Variants in TANC2 observed in about 807,000 individuals in gnomAD.
TANC2 encodes tetratricopeptide repeat, ankyrin repeat and coiled-coil containing 2.
TANC2 carries 26 observed loss-of-function variants against 210.5 expected under a neutral mutation model. The observed-to-expected ratio is 0.12, with a 90% CI of 0.09 to 0.17. TANC2 has a LOEUF of 0.17. Among genes scored for constraint, TANC2 ranks in the 10% least tolerant of loss-of-function variants. The pLI, the probability that TANC2 is intolerant of heterozygous loss-of-function variation, is 1.00. For synonymous variants in TANC2, 931 were observed against 967.1 expected, an observed-to-expected ratio of 0.96 and a Z score of 0.69; for missense variants, 2,129 against 2,608.9, an observed-to-expected ratio of 0.82 and a Z score of 4.01.
At chr17:63,029,604 T>C (rs1243294477) in intron 2 of TANC2, among the ~76,000 whole-genome samples, 1 of 152,180 alleles carries the variant, frequency 6.6e-6, no homozygotes, top group African/African-American at 2.4e-5. Flanking sequence ...TGTTGTCTTA[T>C]ACTGTAATGG....
intron 2 of TANC2, among the ~76,000 whole-genome samples, chr17:63,046,694 T>C (rs1041442993): frequency 1.3e-5 from 2 of 152,124 alleles, no homozygotes; most frequent in African/African-American, 4.8e-5. Context: ...TCAAGTAATA[T>C]AGTACAGATT....
intron 9 of TANC2, among the ~76,000 whole-genome samples, chr17:63,303,922 G>A (rs2146510107): frequency 6.6e-6 from 1 of 151,856 alleles, no homozygotes; most frequent in Non-Finnish European, 1.5e-5. Context: ...CTCGTGCTGT[G>A]TTTTTCAGCT....
At chr17:62,977,697 A>T (rs917564201) in intron 1 of TANC2, among the ~76,000 whole-genome samples, 2 of 151,996 alleles carry the variant, frequency 1.3e-5, no homozygotes, top group Non-Finnish European at 2.9e-5. Context: ...CTATTTTTTT[A>T]AATTACAAAA....
At chr17:63,155,010 G>A (rs2039786063) in intron 5 of TANC2, 1 of 152,228 alleles carries the variant, frequency 6.6e-6, no homozygotes, top group African/African-American at 2.4e-5. Flanking sequence ...TTATTGGAAA[G>A]TTAGAGTAGG....
At chr17:63,375,366 G>A (rs533961675) in intron 14 of TANC2, among the ~76,000 whole-genome samples, 2 of 152,348 alleles carry the variant, frequency 1.3e-5, no homozygotes, top group African/African-American at 4.8e-5. Context: ...CTAGCCAGCT[G>A]AAATGAAGAC....
At chr17:63,220,736 A>G (rs867141119) in intron 7 of TANC2, among the ~76,000 whole-genome samples, 25 of 142,332 alleles carry the variant, frequency 1.8e-4, no homozygotes, top group African/African-American at 6.0e-4. Context: ...ATATATATAT[A>G]TGTATATATA....
At chr17:63,253,691 C>A (rs983681172) in intron 8 of TANC2, among the ~76,000 whole-genome samples, 4 of 152,132 alleles carry the variant, frequency 2.6e-5, no homozygotes, top group Non-Finnish European at 5.9e-5. Flanking sequence ...TGGCTCACTG[C>A]AGCTTTGACC....
At chr17:63,047,683 T>C (rs2035434304) in intron 2 of TANC2, among the ~76,000 whole-genome samples, 1 of 152,158 alleles carries the variant, frequency 6.6e-6, no homozygotes, top group African/African-American at 2.4e-5. Context: ...GAATAGGGGC[T>C]CCCTAGTAGA....
chr17:63,365,589 C>G (rs1049630899), intron 14 of TANC2, among the ~76,000 whole-genome samples: 8 of 152,180 alleles, frequency 5.3e-5, no homozygotes, highest in African/African-American at 1.9e-4. Flanking sequence ...TTGTTCAAAG[C>G]CCTGTATTTA....
chr17:63,423,732 C>G (rs2049078887), exon 28 of TANC2: 1 of 152,190 alleles, frequency 6.6e-6, no homozygotes, highest in Non-Finnish European at 1.5e-5. Flanking sequence ...CTCTCCACCC[C>G]CAAACCTAAA....
chr17:63,206,455 A>G (rs912005561), intron 7 of TANC2, among the ~76,000 whole-genome samples: 2 of 152,228 alleles, frequency 1.3e-5, no homozygotes, highest in African/African-American at 2.4e-5. Flanking sequence ...AATACAAATG[A>G]ATATGGACAG....
At chr17:63,240,639 T>G (rs2042748863) in intron 8 of TANC2, among the ~76,000 whole-genome samples, 1 of 152,094 alleles carries the variant, frequency 6.6e-6, no homozygotes. Context: ...GAAGAGAGAA[T>G]GGAACAAGCA....
At chr17:63,091,301 A>G (rs2037184370) in intron 3 of TANC2, among the ~76,000 whole-genome samples, 1 of 152,098 alleles carries the variant, frequency 6.6e-6, no homozygotes. Flanking sequence ...TGTGTCCTGA[A>G]TGGTATTGCC....
chr17:63,319,809 A>G (rs918507511), intron 11 of TANC2, among the ~76,000 whole-genome samples: 9 of 152,248 alleles, frequency 5.9e-5, no homozygotes, highest in African/African-American at 2.2e-4. Flanking sequence ...ACATAAACAC[A>G]TAGAAAATCA....
At chr17:63,364,347 A>G (rs2047049940) in intron 14 of TANC2, among the ~76,000 whole-genome samples, 1 of 152,148 alleles carries the variant, frequency 6.6e-6, no homozygotes, top group Non-Finnish European at 1.5e-5. Context: ...GGGCCACAGC[A>G]ACATTTTTTT....
At chr17:63,134,401 C>A (rs2039020509) in intron 4 of TANC2, among the ~76,000 whole-genome samples, 3 of 151,976 alleles carry the variant, frequency 2.0e-5, no homozygotes, top group Non-Finnish European at 4.4e-5. Context: ...AATCTTTTAC[C>A]TTGAGAGGTG....
At chr17:63,044,711 GTTTTT>G (rs1246388481) in intron 2 of TANC2, among the ~76,000 whole-genome samples, 1 of 152,060 alleles carries the variant, frequency 6.6e-6, no homozygotes, top group Non-Finnish European at 1.5e-5. Flanking sequence ...GTGTCTGAGA[GTTTTT>G]TCTTTTTCCT....
intron 6 of TANC2, among the ~76,000 whole-genome samples, 175 bp downstream of exon 6, chr17:63,194,314 C>T (rs1460484615): frequency 6.6e-6 from 1 of 152,112 alleles, no homozygotes; most frequent in Non-Finnish European, 1.5e-5. Flanking sequence ...GATTTAACAA[C>T]CCAAAAAGCC....
In TANC2 at chr17:63,328,376, ATGTGTGTGTGTG is replaced by A. The variant is rs61546119; in HGVS notation, c.1575+9306_1575+9317del. 3.2e-3 allele frequency among the ~76,000 whole-genome samples: 468 copies of A among 147,128 alleles called. 3 individuals are homozygous for A. Among genetic ancestry groups the A allele is most frequent in the African/African-American group, 0.011 (443 of 40,346 alleles). Reference sequence around the variant, plus strand: ...TAAAACATGGTATGTGTATGTGTATATGTGTGTGTGTGTGTGTGTGTGTGTGTGTGTATTCAT... The same window carrying A: ...TAAAACATGGTATGTGTATGTGTATATGTGTGTGTGTGTGTGTGTATTCAT... On this transcript the variant is annotated intron_variant, in intron 11 of 27. Coordinates refer to ENST00000689528, the Ensembl canonical transcript of TANC2.
Sources: gnomAD v4.1 joint callset for allele counts (sites outside exome capture counted in the v4.1 genomes callset) on GRCh38, gnomAD v4.1.1 for gene constraint, MANE v1.5 for transcripts, NCBI Gene and HGNC (gene_info 2026-07-23, HGNC 2026-07-21) for gene names.